Variants in SRD5A2 observed in about 807,000 individuals in gnomAD.
The protein encoded by SRD5A2 is steroid 5 alpha-reductase 2, also known as 3-oxo-5-alpha-steroid 4-dehydrogenase 2.
Under a neutral mutation model 27.4 loss-of-function variants are expected in SRD5A2, and 30 were observed. The ratio of observed to expected loss-of-function variants is 1.10; its 90% CI spans 0.82 to 1.49. SRD5A2 has a LOEUF of 1.49. SRD5A2 is among the 40% of genes most tolerant of loss of function. The probability of loss-of-function intolerance (pLI) is 0.00; values close to 1 mark genes in which losing one functional copy is unlikely to be tolerated. For missense variants in SRD5A2, 348 were observed against 323.4 expected, an observed-to-expected ratio of 1.08 and a Z score of -0.58; for synonymous variants, 141 against 133.6, an observed-to-expected ratio of 1.06 and a Z score of -0.38.
chr2:31,600,674 A>C, the SRD5A2 span, among the ~76,000 whole-genome samples: 1 of 151,852 alleles, frequency 6.6e-6, no homozygotes, highest in Non-Finnish European at 1.5e-5. Flanking sequence ...AATAGTTCTG[A>C]AAAATAGAGA....
At chr2:31,598,062 A>C in the SRD5A2 span, among the ~76,000 whole-genome samples, 1 of 152,196 alleles carries the variant, frequency 6.6e-6, no homozygotes, top group Non-Finnish European at 1.5e-5. Context: ...AATGCCCATC[A>C]AGCAATGAAT....
At chr2:31,629,786 C>T in the SRD5A2 span, among the ~76,000 whole-genome samples, 257 of 152,266 alleles carry the variant, frequency 1.7e-3, 1 homozygote, top group Middle Eastern at 0.024. Context: ...TCCTGGGTTC[C>T]GACCATGACT....
chr2:31,544,238 T>C (rs1246318768), intron 1 of SRD5A2, among the ~76,000 whole-genome samples: 1 of 151,744 alleles, frequency 6.6e-6, no homozygotes, highest in Admixed American at 6.6e-5. Flanking sequence ...GCAATAATAG[T>C]TAAAGAATTC....
the SRD5A2 span, among the ~76,000 whole-genome samples, chr2:31,595,473 G>A: frequency 3.0e-4 from 45 of 152,134 alleles, no homozygotes; most frequent in African/African-American, 9.6e-4. Flanking sequence ...ATAAATTTCT[G>A]GCAATATACA....
the SRD5A2 span, among the ~76,000 whole-genome samples, chr2:31,621,094 A>C: frequency 9.7e-4 from 147 of 151,868 alleles, no homozygotes; most frequent in African/African-American, 3.1e-3. Context: ...TAATAGGAAG[A>C]GATCCTGTGC....
the SRD5A2 span, among the ~76,000 whole-genome samples, chr2:31,624,763 G>T: frequency 2.6e-5 from 4 of 152,242 alleles, no homozygotes; most frequent in African/African-American, 9.6e-5. Context: ...ATCATTGATG[G>T]ACTTTTGGGC....
At chr2:31,643,279 G>C in the SRD5A2 span, among the ~76,000 whole-genome samples, 3 of 152,076 alleles carry the variant, frequency 2.0e-5, no homozygotes, top group African/African-American at 7.2e-5. Context: ...TTCTTGGTTT[G>C]AGCAAATGTA....
the SRD5A2 span, among the ~76,000 whole-genome samples, chr2:31,637,085 T>C: frequency 1.3e-5 from 2 of 152,160 alleles, no homozygotes; most frequent in African/African-American, 2.4e-5. Flanking sequence ...AATTAAGCAG[T>C]GAAGCCATCT....
chr2:31,597,161 A>G, the SRD5A2 span, among the ~76,000 whole-genome samples: 1 of 152,170 alleles, frequency 6.6e-6, no homozygotes, highest in Non-Finnish European at 1.5e-5. Flanking sequence ...ATAACTCAGA[A>G]ATAAAGCCAA....
chr2:31,567,271 T>G (rs1666749880), intron 1 of SRD5A2, among the ~76,000 whole-genome samples: 1 of 152,170 alleles, frequency 6.6e-6, no homozygotes, highest in Admixed American at 6.5e-5. Context: ...TTATCAGCAC[T>G]TGTTGAACAT....
the SRD5A2 span, among the ~76,000 whole-genome samples, chr2:31,601,024 C>A: frequency 1.3e-5 from 2 of 151,646 alleles, no homozygotes; most frequent in Non-Finnish European, 2.9e-5. Context: ...ACTAGAGAAC[C>A]AAGAGGAAGC....
chr2:31,581,482 C>T (rs879877604), upstream of SRD5A2, among the ~76,000 whole-genome samples: 3 of 152,176 alleles, frequency 2.0e-5, no homozygotes, highest in Non-Finnish European at 4.4e-5. Flanking sequence ...TGGGGCGCCG[C>T]GCTCCTTAGC....
At chr2:31,534,206 C>T (rs1665976990) in intron 1 of SRD5A2, among the ~76,000 whole-genome samples, 1 of 152,152 alleles carries the variant, frequency 6.6e-6, no homozygotes, top group Admixed American at 6.5e-5. Flanking sequence ...TCTAGGTCTT[C>T]TGATAATCCT....
chr2:31,559,246 T>G (rs973346359), intron 1 of SRD5A2, among the ~76,000 whole-genome samples: 2 of 152,216 alleles, frequency 1.3e-5, no homozygotes, highest in African/African-American at 2.4e-5. Context: ...AATGGAATGT[T>G]TTCTTGCAAG....
the SRD5A2 span, among the ~76,000 whole-genome samples, chr2:31,653,267 T>C: frequency 6.6e-6 from 1 of 152,202 alleles, no homozygotes; most frequent in South Asian, 2.1e-4. Flanking sequence ...CCCACCATCA[T>C]GGAACTGTAT....
chr2:31,528,698 G>A (rs1665833504), intron 4 of SRD5A2, among the ~76,000 whole-genome samples: 1 of 152,166 alleles, frequency 6.6e-6, no homozygotes, highest in South Asian at 2.1e-4. Flanking sequence ...CCTGGGAGGT[G>A]AAGGCTGCAG....
chr2:31,529,312 G>C lies in SRD5A2; in HGVS notation c.693C>G (p.His231Gln). ...LCFLGLRAFH[H>Q]HRFYLKMFED... ...GCTTTTATTGAAAAATTTACCTATG[G>C]TGGTGAAAAGCTCGCAGCCCAAGGA... The change falls in exon 4 of 5, where the codon CAC becomes CAG. Residue 231 changes from histidine to glutamine, a missense_variant. His to Gln is a conservative substitution (Grantham distance 24). Transcript: ENST00000622030. 1 of 1,613,804 alleles carries C rather than the reference G, an allele frequency of 6.2e-7. No individual in the cohort carries two copies. The highest frequency in any genetic ancestry group is 1.1e-5 in the South Asian group (1 of 91,044).
At position 31,523,443 on chromosome 2, in the gene SRD5A2, T is replaced by C. The variant is rs1181683089; in HGVS notation, c.*2753A>G. 3.2e-5 allele frequency: 7 copies of C among 220,332 alleles called. No homozygotes were observed. Among genetic ancestry groups the C allele is most frequent in the South Asian group, 1.8e-4 (1 of 5,424 alleles). 13.6% of individuals were successfully genotyped at this position (220,332 alleles called of 1,614,324 possible). ...CCTCAAAGGGACAAAATGAGATGGCTGCTCTGACCAGCTCTGTACCAGCTG... is the reference window on the plus strand; with the variant it reads ...CCTCAAAGGGACAAAATGAGATGGCCGCTCTGACCAGCTCTGTACCAGCTG... On this transcript the variant is annotated 3_prime_UTR_variant, in exon 5 of 5. Coordinates refer to ENST00000622030, the MANE Select transcript of SRD5A2 (RefSeq NM_000348.4).
chr2:31,617,356 C>G, the SRD5A2 span, among the ~76,000 whole-genome samples: 1 of 152,070 alleles, frequency 6.6e-6, no homozygotes. Flanking sequence ...CCATGGAAGC[C>G]ATTTTTTCCT....
Sources: allele counts gnomAD v4.1 joint callset (sites outside exome capture counted in the v4.1 genomes callset), GRCh38; gene constraint gnomAD v4.1.1; transcripts MANE v1.5; gene names NCBI Gene and HGNC (gene_info 2026-07-23, HGNC 2026-07-21).